MEI4: variants seen among roughly 807,000 people sequenced by gnomAD.
MEI4 encodes meiotic double-stranded break formation protein 4, also known as meiosis-specific protein MEI4.
A neutral mutation model predicts 31.4 loss-of-function variants in MEI4; 27 were observed. That is an observed-to-expected ratio of 0.86 (90% confidence interval 0.63 to 1.19). The LOEUF (loss-of-function observed/expected upper bound fraction) is 1.19. Among genes scored for constraint, MEI4 ranks in the 50% most tolerant of loss-of-function variants. MEI4 has a pLI of 0.00. For synonymous variants in MEI4, 122 were observed against 145.4 expected, an observed-to-expected ratio of 0.84 and a Z score of 1.16; for missense variants, 329 against 398.9, an observed-to-expected ratio of 0.82 and a Z score of 1.49.
chr6:77,672,321 T>C (rs1768761171), intron 1 of MEI4, among the ~76,000 whole-genome samples: 1 of 152,226 alleles, frequency 6.6e-6, no homozygotes, highest in South Asian at 2.1e-4. Context: ...CTTTCCTGAA[T>C]TTAAATCTGC....
chr6:77,714,210 A>G (rs1022894360), intron 2 of MEI4, among the ~76,000 whole-genome samples: 1 of 150,836 alleles, frequency 6.6e-6, no homozygotes, highest in East Asian at 2.0e-4. Flanking sequence ...CCATGACACA[A>G]GTTTACCTAT....
rs145460405 is a variant in MEI4, at chr6:77,837,780, C to T, written c.900+8718C>T. On this transcript the variant is annotated intron_variant, in intron 4 of 4. Coordinates refer to ENST00000684080, the MANE Select transcript of MEI4 (RefSeq NM_001322247.2). ...TAATTGGATAATTGGGGAAAATCTG[C>T]ACAAGTGTGTGTTATGATTTTAAGG... is the stretch of plus-strand genomic sequence containing the variant. Among the ~76,000 whole-genome samples the T allele has an allele frequency of 1.4e-3, 213 of 152,204 alleles. 1 individual carries two copies. Among genetic ancestry groups the T allele is most frequent in the African/African-American group, 4.5e-3 (187 of 41,548 alleles).
Position 77,926,935 on chromosome 6 carries a change from T to C in MEI4, c.*3589T>C, listed in dbSNP as rs1318354808. The C allele has an allele frequency of 2.0e-5, 3 of 151,952 alleles. No homozygotes were observed. The highest frequency in any genetic ancestry group is 7.2e-5 in the African/African-American group (3 of 41,432). The allele number at this position is 151,952 out of a possible 1,614,324, so 9.4% of individuals were successfully genotyped here. The stretch of plus-strand genomic sequence containing the variant: ...ATTCCGAATTATTTATAGAATTGTA[T>C]AATACAAAATTTATCTGGTTAATAA... On this transcript the variant is annotated 3_prime_UTR_variant, in exon 5 of 5. Transcript: ENST00000684080.
At chr6:77,903,726 A>G (rs1581965630) in intron 4 of MEI4, among the ~76,000 whole-genome samples, 1 of 152,076 alleles carries the variant, frequency 6.6e-6, no homozygotes, top group Admixed American at 6.6e-5. Flanking sequence ...TAATTCATTG[A>G]AAGTTTTTAG....
At chr6:77,866,444 A>G (rs1264103391) in intron 4 of MEI4, among the ~76,000 whole-genome samples, 1 of 152,190 alleles carries the variant, frequency 6.6e-6, no homozygotes, top group African/African-American at 2.4e-5. Flanking sequence ...TAACAGACAA[A>G]CAGCCGAATC....
chr6:77,908,326 T>C (rs1169075950), intron 4 of MEI4, among the ~76,000 whole-genome samples: 1 of 152,194 alleles, frequency 6.6e-6, no homozygotes, highest in Non-Finnish European at 1.5e-5. Flanking sequence ...AATTTTTGTA[T>C]AAGGTGTAAG....
In MEI4 at chr6:77,926,308, A is replaced by G. The variant is rs1201616019; in HGVS notation, c.*2962A>G. The G allele has an allele frequency of 2.0e-5, 3 of 151,890 alleles. No homozygotes were observed. The highest frequency in any genetic ancestry group is 2.9e-5 in the Non-Finnish European group (2 of 67,940). 9.4% of individuals were successfully genotyped at this position (151,890 alleles called of 1,614,324 possible). A position where few individuals can be genotyped will look rare whatever the true frequency, so the allele number is the denominator to read the frequency against. On this transcript the variant is annotated 3_prime_UTR_variant, in exon 5 of 5. Transcript: ENST00000684080. The stretch of plus-strand genomic sequence containing the variant: ...GTAAACCAGAGGAACAGCATCTTTG[A>G]CCTTTTCAGGGTTGTAGCATCTTGC...
At chr6:77,768,997 T>C (rs1206703753) in intron 3 of MEI4, among the ~76,000 whole-genome samples, 1 of 152,122 alleles carries the variant, frequency 6.6e-6, no homozygotes, top group Non-Finnish European at 1.5e-5. Flanking sequence ...GAAGACTAAA[T>C]TGAACAACAG....
At chr6:77,869,358 A>C (rs570185585) in intron 4 of MEI4, among the ~76,000 whole-genome samples, 2 of 152,158 alleles carry the variant, frequency 1.3e-5, no homozygotes, top group Non-Finnish European at 1.5e-5. Flanking sequence ...GAATGTGATC[A>C]TATTTAGAAA....
At chr6:77,922,944 C>T (rs1323344519) in intron 4 of MEI4, 145 bp from the exon 5 acceptor site, 2 of 425,446 alleles carry the variant, frequency 4.7e-6, no homozygotes, top group African/African-American at 4.1e-5. Flanking sequence ...TTTTATTTCC[C>T]CCTTGTTCAC....
chr6:77,708,672 C>T (rs1328895908), intron 2 of MEI4, among the ~76,000 whole-genome samples: 1 of 152,172 alleles, frequency 6.6e-6, no homozygotes, highest in African/African-American at 2.4e-5. Context: ...TAGCAGATCC[C>T]TCATGAATTA....
chr6:77,745,991 A>G (rs1027160986), intron 2 of MEI4, among the ~76,000 whole-genome samples: 6 of 152,218 alleles, frequency 3.9e-5, no homozygotes, highest in African/African-American at 1.4e-4. Context: ...GGAAATTTAT[A>G]ACACTAAATG....
intron 1 of MEI4, among the ~76,000 whole-genome samples, 100 bp downstream of exon 1, chr6:77,653,192 C>G (rs1768330504): frequency 6.6e-6 from 1 of 152,202 alleles, no homozygotes. Flanking sequence ...AAGGATCTTT[C>G]TCAAGCCAGT....
chr6:77,736,507 C>T (rs9350720), intron 2 of MEI4, among the ~76,000 whole-genome samples: 21,655 of 151,924 alleles, frequency 0.14, 1,675 homozygotes, highest in Middle Eastern at 0.23. Context: ...GAACGGTGCG[C>T]GCACACACTG....
At chr6:77,759,905 T>C (rs1372163816) in intron 2 of MEI4, among the ~76,000 whole-genome samples, 2 of 152,164 alleles carry the variant, frequency 1.3e-5, no homozygotes, top group Non-Finnish European at 2.9e-5. Flanking sequence ...CAGTGCCTCA[T>C]TCCTGTTCCC....
chr6:77,822,288 G>A (rs1255322548), intron 3 of MEI4, among the ~76,000 whole-genome samples: 1 of 152,098 alleles, frequency 6.6e-6, no homozygotes, highest in African/African-American at 2.4e-5. Flanking sequence ...ATGTGATTTG[G>A]CAGGGCCCTG....
At chr6:77,875,979 T>C (rs1450911696) in intron 4 of MEI4, among the ~76,000 whole-genome samples, 2 of 152,064 alleles carry the variant, frequency 1.3e-5, no homozygotes, top group South Asian at 2.1e-4. Flanking sequence ...ATGATATAAA[T>C]CAATACATAA....
chr6:77,733,434 T>A (rs547756825), intron 2 of MEI4, among the ~76,000 whole-genome samples: 1 of 152,266 alleles, frequency 6.6e-6, no homozygotes, highest in South Asian at 2.1e-4. Flanking sequence ...CGTAGTATTC[T>A]CTGATGGTAG....
rs185606349 is a variant in MEI4, at chr6:77,748,938, C to T, written c.233-12192C>T. Reference sequence around the variant, plus strand: ...TCCAGAGAAAGGAACAGGCAGCAATCTTTGCTGTTCTCCAGCCTCTGCCGG... The same window carrying T: ...TCCAGAGAAAGGAACAGGCAGCAATTTTTGCTGTTCTCCAGCCTCTGCCGG... On this transcript the variant is annotated intron_variant, in intron 2 of 4. Coordinates refer to ENST00000684080, the MANE Select transcript of MEI4 (RefSeq NM_001322247.2). 1.4e-3 allele frequency among the ~76,000 whole-genome samples: 213 copies of T among 152,266 alleles called. 1 individual carries two copies. Among genetic ancestry groups the T allele is most frequent in the African/African-American group, 4.5e-3 (187 of 41,578 alleles).
Sources: gnomAD v4.1 joint callset for allele counts (sites outside exome capture counted in the v4.1 genomes callset) on GRCh38, gnomAD v4.1.1 for gene constraint, MANE v1.5 for transcripts, NCBI Gene and HGNC (gene_info 2026-07-23, HGNC 2026-07-21) for gene names.